Variants in PZP observed in about 807,000 individuals in gnomAD.
PZP encodes the protein PZP alpha-2-macroglobulin like.
Under a neutral mutation model 179.8 loss-of-function variants are expected in PZP, and 150 were observed. The ratio of observed to expected loss-of-function variants is 0.83; its 90% confidence interval spans 0.73 to 0.96. PZP has a LOEUF of 0.96. PZP is among the 40% of genes least tolerant of loss of function. The pLI, the probability that PZP is intolerant of heterozygous loss-of-function variation, is 0.00. For missense variants in PZP, 1,689 were observed against 1,764.0 expected, an observed-to-expected ratio of 0.96 and a Z score of 0.76; for synonymous variants, 624 against 652.3, an observed-to-expected ratio of 0.96 and a Z score of 0.66.
chr12:9,156,322 C>G (rs1171716390), intron 28 of PZP: 1 of 209,872 alleles, frequency 4.8e-6, no homozygotes, highest in African/African-American at 2.3e-5. Context: ...CACCCTTTGT[C>G]CTACTGACCA....
In PZP at chr12:9,152,267, C is replaced by A; in HGVS notation, c.4165G>T (p.Val1389Leu). ...GGAATAAAACCAGATACCATCTTTA[C>A]ATCAACAATCACCATATTGGAAGCA... ...RPASNMVIVD[V>L]KMVSGFIPLK... The change falls in exon 32 of 36, where the codon GTA (valine) becomes TTA (leucine). Residue 1389 changes from valine (V) to leucine (L), a missense_variant. By Grantham distance (32) the Val-to-Leu change is conservative (BLOSUM62 1). Around this residue, in one of 3 missense-constraint regions of PZP, gnomAD observed 746 missense variants for 749.2 expected, o/e 1.00. Transcript: ENST00000261336. 6.2e-7 allele frequency: 1 copy of A among 1,613,204 alleles called. No individual in the cohort carries two copies. Among genetic ancestry groups the A allele is most frequent in the Non-Finnish European group, 8.5e-7 (1 of 1,179,238 alleles).
chr12:9,165,496 G>A (rs953072679), intron 18 of PZP, 129 bp from the exon 19 acceptor site: 9 of 1,004,660 alleles, frequency 9.0e-6, no homozygotes, highest in South Asian at 1.6e-5. Flanking sequence ...GTGTGCATTC[G>A]TGTGAACACT....
In PZP at chr12:9,194,061, G is replaced by A; in HGVS notation, c.1254+16C>T. 6.2e-7 allele frequency: 1 copy of A among 1,601,836 alleles called. No individual in the cohort carries two copies. The highest frequency in any genetic ancestry group is 8.5e-7 in the Non-Finnish European group (1 of 1,170,508). Reference sequence around the variant, plus strand: ...ACATTTCCTTTGTCCTCAGAGATTTGTCTTTCTATACTTACCCGGACAAAA... The same window carrying A: ...ACATTTCCTTTGTCCTCAGAGATTTATCTTTCTATACTTACCCGGACAAAA... On this transcript the variant is annotated intron_variant, in intron 11 of 35. Coordinates refer to ENST00000261336, the MANE Select transcript of PZP (RefSeq NM_002864.3).
chr12:9,160,250 CTG>C, intron 24 of PZP, 62 bp downstream of exon 24: 1 of 1,431,122 alleles, frequency 7.0e-7, no homozygotes, highest in Non-Finnish European at 9.6e-7. Context: ...GATGATATAA[CTG>C]AAGCTTAATT....
Position 9,207,896 on chromosome 12 carries a change from G to GTATA in PZP, c.83+359_83+362dup, listed in dbSNP as rs558751805. On this transcript the variant is annotated intron_variant, in intron 1 of 35. Coordinates refer to ENST00000261336, the MANE Select transcript of PZP (RefSeq NM_002864.3). ...GAAAAATAAAGGAGCTATACTTTCT[G>GTATA]TATATATATATATGGCCTACAATAC... Among the ~76,000 whole-genome samples, 184 of 151,692 alleles carry GTATA rather than the reference G, an allele frequency of 1.2e-3. No individual in the cohort carries two copies. The Middle Eastern group carries it at 0.014, about 11-fold the overall frequency.
intron 31 of PZP, among the ~76,000 whole-genome samples, chr12:9,152,546 A>T (rs1428440584): frequency 6.6e-6 from 1 of 152,130 alleles, no homozygotes; most frequent in Non-Finnish European, 1.5e-5. Context: ...ATCAAATCAA[A>T]ATCTTTGGTA....
At position 9,181,062 on chromosome 12, in the gene PZP, G is replaced by T. The variant is rs201197345; in HGVS notation, c.1760C>A (p.Pro587Gln). Residue 587 changes from proline (P) to glutamine (Q), a missense_variant, in exon 15 of 36, where the codon CCG becomes CAG. Coordinates refer to ENST00000261336, the MANE Select transcript of PZP (RefSeq NM_002864.3). ...AGCACGAAGGGCACAGAGGGACTGC[G>T]GAGCAGCTGCTACTTGCAGGTGGGC... ...SHAHLQVAAAPQSLCALRAVD... is the reference protein window; with the variant it reads ...SHAHLQVAAAQQSLCALRAVD... 8.7e-6 allele frequency: 14 copies of T among 1,614,048 alleles called. No homozygotes were observed. In the East Asian group the frequency reaches 2.9e-4, roughly 33 times the overall value.
intron 13 of PZP, among the ~76,000 whole-genome samples, chr12:9,188,762 G>A (rs1943277904): frequency 6.6e-6 from 1 of 152,118 alleles, no homozygotes; most frequent in African/African-American, 2.4e-5. Context: ...AGGAATGCAA[G>A]CAATCCCATT....
chr12:9,200,827 A>C, intron 6 of PZP, 65 bp downstream of exon 6: 1 of 1,503,480 alleles, frequency 6.7e-7, no homozygotes, highest in Non-Finnish European at 9.0e-7. Context: ...AATTCAAAGG[A>C]TCTAAGTGAG....
rs1245368629 is a variant in PZP, at chr12:9,158,410, A to C, written c.3294+10T>G. 6.2e-7 allele frequency: 1 copy of C among 1,613,832 alleles called. No individual in the cohort carries two copies. Among genetic ancestry groups the C allele is most frequent in the African/African-American group, 1.3e-5 (1 of 74,902 alleles). On this transcript the variant is annotated intron_variant, in intron 26 of 35. Coordinates refer to ENST00000261336, the MANE Select transcript of PZP (RefSeq NM_002864.3). ...GTGTGTCAGGCTCAGAAGTTTGTGG[A>C]ACAGTTCACCTTTATGGCATTGTTG...
At chr12:9,169,299 G>T in intron 16 of PZP, 131 bp downstream of exon 16, 3 of 917,194 alleles carry the variant, frequency 3.3e-6, no homozygotes, top group Non-Finnish European at 3.1e-6. Flanking sequence ...CCTTTTTATT[G>T]GCTTCATTTT....
In PZP at chr12:9,173,534, G is replaced by A. The variant is rs2120866134; in HGVS notation, c.1840-3943C>T. Among the ~76,000 whole-genome samples, 2 of 152,048 alleles carry A rather than the reference G, an allele frequency of 1.3e-5. 1 individual carries two copies. Among genetic ancestry groups the A allele is most frequent in the South Asian group, 4.2e-4 (2 of 4,798 alleles). On this transcript the variant is annotated intron_variant, in intron 15 of 35. Coordinates refer to ENST00000261336, the MANE Select transcript of PZP (RefSeq NM_002864.3). ...CCTCTTAAAAAAACAATGAATCCAG[G>A]AGCTGGTTTTTTTGAAAAAAAGTTA...
chr12:9,145,282 TG>T (rs1370574649), downstream of PZP, among the ~76,000 whole-genome samples: 3 of 152,194 alleles, frequency 2.0e-5, no homozygotes, highest in Admixed American at 1.3e-4. Flanking sequence ...TGTGTTTTAT[TG>T]TTTTTTTGTG....
intron 10 of PZP, among the ~76,000 whole-genome samples, chr12:9,194,686 G>T (rs1943663587): frequency 6.6e-6 from 1 of 151,948 alleles, no homozygotes; most frequent in Admixed American, 6.6e-5. Flanking sequence ...GGATGGTCTC[G>T]ATCGCCTGAC....
chr12:9,208,152 G>A, intron 1 of PZP, 107 bp downstream of exon 1: 1 of 720,366 alleles, frequency 1.4e-6, no homozygotes, highest in Non-Finnish European at 2.5e-6. Flanking sequence ...ATATTTGGAA[G>A]GTATTGTAAT....
At position 9,203,802 on chromosome 12, in the gene PZP, G is replaced by A. The variant is rs150991757; in HGVS notation, c.233C>T (p.Ala78Val). The A allele has an allele frequency of 5.7e-4, 923 of 1,614,048 alleles. 3 individuals carry two copies. In the African/African-American group the frequency reaches 0.011, roughly 19 times the overall value. The part of the protein sequence containing the change: ...ENRSLFTDLV[A>V]EKDLFHCVSF... ...GACACAGTGGAATAAGTCCTTCTCC[G>A]CCACCAGGTCAGTGAAGAGGCTCCT... The change falls in exon 2 of 36, where the codon GCG becomes GTG. Residue 78 changes from alanine (A) to valine (V), a missense_variant. Ala to Val is a moderately conservative substitution (Grantham distance 64, BLOSUM62 0). Coordinates refer to ENST00000261336, the MANE Select transcript of PZP (RefSeq NM_002864.3).
intron 16 of PZP, 111 bp downstream of exon 16, chr12:9,169,318 GA>G: frequency 4.6e-6 from 5 of 1,095,070 alleles, no homozygotes; most frequent in Admixed American, 3.0e-5. Context: ...TTTGTCTGCT[GA>G]AAAATGGAGA....
chr12:9,201,055 T>C lies in PZP; in HGVS notation c.507A>G (p.Pro169=). The stretch of plus-strand genomic sequence containing the variant: ...GCCATTGTGCAATTCGATTTCTTCT[T>C]GGGTTCTGAAGGGAAACAAGAAACA... The part of the protein sequence containing the change: ...ELIPLIYLEN[P]RRNRIAQWQS... Residue 169 remains proline (P), a synonymous_variant, in exon 6 of 36, where the codon CCA becomes CCG. Transcript: ENST00000261336. 3 of 1,613,984 alleles carry C rather than the reference T, an allele frequency of 1.9e-6. No homozygotes were observed. The highest frequency in any genetic ancestry group is 2.5e-6 in the Non-Finnish European group (3 of 1,179,948).
At chr12:9,169,655 T>A in intron 15 of PZP, 64 bp from the exon 16 acceptor site, 1 of 1,395,400 alleles carries the variant, frequency 7.2e-7, no homozygotes, top group Non-Finnish European at 9.5e-7. Flanking sequence ...TAGAATGAAC[T>A]GAGAGAAATA....
Sources: allele counts gnomAD v4.1 joint callset (sites outside exome capture counted in the v4.1 genomes callset), GRCh38; gene constraint gnomAD v4.1.1; regional missense constraint gnomAD v4.1.1; transcripts MANE v1.5; gene names NCBI Gene and HGNC (gene_info 2026-07-23, HGNC 2026-07-21).